SFTA2: variants seen among roughly 807,000 people sequenced by gnomAD.
SFTA2 encodes surfactant associated 2.
In SFTA2, 3 loss-of-function variants were observed where a neutral mutation model predicts 6.0. The observed-to-expected ratio is 0.50, with a 90% CI of 0.23 to 1.28. The LOEUF is 1.28. Ranked by LOEUF, SFTA2 falls within the 50% of genes most tolerant of loss-of-function variation. The pLI, the probability that SFTA2 is intolerant of heterozygous loss-of-function variation, is 0.19. For missense variants in SFTA2, 87 were observed against 88.5 expected, an observed-to-expected ratio of 0.98 and a Z score of 0.07; for synonymous variants, 40 against 39.3, an observed-to-expected ratio of 1.02 and a Z score of -0.07.
chr6:30,931,670 A>C, intron 2 of SFTA2, 37 bp downstream of exon 2: 1 of 1,612,242 alleles, frequency 6.2e-7, no homozygotes. Flanking sequence ...CTGACTCACA[A>C]ACACACAGCC....
At position 30,931,585 on chromosome 6, in the gene SFTA2, A is replaced by C. The variant is rs1367880407; in HGVS notation, c.151-11T>G. ...GAGGAGGAGGCAGAGCTGGGAACAAAGGGTTAAAGGGCGCCATGTAAGAGA... is the reference window on the plus strand; with the variant it reads ...GAGGAGGAGGCAGAGCTGGGAACAACGGGTTAAAGGGCGCCATGTAAGAGA... On this transcript the variant is annotated splice_polypyrimidine_tract_variant and intron_variant, in intron 2 of 2. Coordinates refer to ENST00000359086, the MANE Select transcript of SFTA2 (RefSeq NM_205854.3). 6.2e-7 allele frequency: 1 copy of C among 1,607,610 alleles called. No individual in the cohort carries two copies. Among genetic ancestry groups the C allele is most frequent in the Non-Finnish European group, 8.5e-7 (1 of 1,176,656 alleles).
At position 30,931,785 on chromosome 6, in the gene SFTA2, C is replaced by T. The variant is rs774997568; in HGVS notation, c.72G>A (p.Met24Ile). Residue 24 changes from methionine (M) to isoleucine (I), a missense_variant, in exon 2 of 3, where the codon ATG becomes ATA. Physicochemically the swap from Met to Ile is conservative, Grantham distance 10. Coordinates refer to ENST00000359086, the MANE Select transcript of SFTA2 (RefSeq NM_205854.3). ...ACTCCTTCAGCTTCAGTTGCAAAGTCATACCCGGCCCTGCGGATCCAGAAG... is the reference window on the plus strand; with the variant it reads ...ACTCCTTCAGCTTCAGTTGCAAAGTTATACCCGGCCCTGCGGATCCAGAAG... ...LGSSHGTGPG[M>I]TLQLKLKESF... The T allele has an allele frequency of 6.2e-7, 1 of 1,613,100 alleles. No homozygotes were observed. Among genetic ancestry groups the T allele is most frequent in the South Asian group, 1.1e-5 (1 of 91,082 alleles).
chr6:30,931,691 C>G lies in SFTA2; in HGVS notation c.150+16G>C, dbSNP rs749488487. ...CACAAACACACAGCCCCATCTTTCC[C>G]CTTCCAAAGAACTACCTTTTCAAGC... is the stretch of plus-strand genomic sequence containing the variant. On this transcript the variant is annotated intron_variant, in intron 2 of 2. Transcript: ENST00000359086. The G allele has an allele frequency of 3.1e-6, 5 of 1,612,790 alleles. No homozygotes were observed. The highest frequency in any genetic ancestry group is 1.7e-5 in the Admixed American group (1 of 60,002).
chr6:30,931,896 C>T (rs1217620396), intron 1 of SFTA2, 101 bp from the exon 2 acceptor site: 41 of 1,537,384 alleles, frequency 2.7e-5, no homozygotes, highest in Non-Finnish European at 3.5e-5. Context: ...GTTCCTCTTC[C>T]CCAGCAATGC....
Position 30,931,760 on chromosome 6 carries a change from A to C in SFTA2, c.97T>G (p.Ser33Ala), listed in dbSNP as rs1218697893. Residue 33 changes from serine to alanine, a missense_variant, in exon 2 of 3, where the codon TCT (serine) becomes GCT (alanine). By Grantham distance (99) the Ser-to-Ala change is moderately conservative. Coordinates refer to ENST00000359086, the MANE Select transcript of SFTA2 (RefSeq NM_205854.3). ...TCATAGGAGGAATTTGTCAGAAAAG[A>C]CTCCTTCAGCTTCAGTTGCAAAGTC... ...GMTLQLKLKE[S>A]FLTNSSYESS... The C allele has an allele frequency of 6.2e-7, 1 of 1,612,906 alleles. No homozygotes were observed. Among genetic ancestry groups the C allele is most frequent in the Non-Finnish European group, 8.5e-7 (1 of 1,179,998 alleles).
intron 2 of SFTA2, 41 bp downstream of exon 2, chr6:30,931,666 C>T (rs1392482524): frequency 1.2e-6 from 2 of 1,611,910 alleles, no homozygotes; most frequent in Non-Finnish European, 1.7e-6. Context: ...CAAACTGACT[C>T]ACAAACACAC....
Position 30,931,799 on chromosome 6 carries a change from C to A in SFTA2, c.62-4G>T, listed in dbSNP as rs369156102. ...AGTTGCAAAGTCATACCCGGCCCTG[C>A]GGATCCAGAAGTACAGCTTAGGACC... On this transcript the variant is annotated splice_region_variant and splice_polypyrimidine_tract_variant and intron_variant, in intron 1 of 2. Transcript: ENST00000359086. 1 of 1,612,986 alleles carries A rather than the reference C, an allele frequency of 6.2e-7. No individual in the cohort carries two copies. Among genetic ancestry groups the A allele is most frequent in the South Asian group, 1.1e-5 (1 of 91,082 alleles).
At position 30,931,422 on chromosome 6, in the gene SFTA2, G is replaced by A. The variant is rs999658898; in HGVS notation, c.*66C>T. 37 of 1,459,568 alleles carry A rather than the reference G, an allele frequency of 2.5e-5. No homozygotes were observed. Among genetic ancestry groups the A allele is most frequent in the African/African-American group, 8.5e-5 (6 of 70,574 alleles). 90.4% of individuals were successfully genotyped at this position (1,459,568 alleles called of 1,614,324 possible). On this transcript the variant is annotated 3_prime_UTR_variant, in exon 3 of 3. Coordinates refer to ENST00000359086, the MANE Select transcript of SFTA2 (RefSeq NM_205854.3). ...TGGGGGCCTGCTGAAAGACAGGGTC[G>A]GGGCCTGCCTCCTGCATCCCCGGCC...
rs1795162926 is a variant in SFTA2 at position 30,932,005 on chromosome 6, G to A, written c.61+31C>T. ...TTTCTCTGGCCTCTTCTTGCCACAGGGACCCAGGAGTCCTGCCCTCTAGCC... is the reference window on the plus strand; with the variant it reads ...TTTCTCTGGCCTCTTCTTGCCACAGAGACCCAGGAGTCCTGCCCTCTAGCC... On this transcript the variant is annotated intron_variant, in intron 1 of 2. Coordinates refer to ENST00000359086, the MANE Select transcript of SFTA2 (RefSeq NM_205854.3). The surrounding 1 kb of genome is among the most constrained non-coding windows in gnomAD (Gnocchi z 6.5). 1 of 1,607,216 alleles carries A rather than the reference G, an allele frequency of 6.2e-7. No homozygotes were observed. The highest frequency in any genetic ancestry group is 1.3e-5 in the African/African-American group (1 of 74,772).
rs1795147947 is a variant in SFTA2, at chr6:30,931,703, C to T, written c.150+4G>A. 9 of 1,613,146 alleles carry T rather than the reference C, an allele frequency of 5.6e-6. No individual in the cohort carries two copies. In the East Asian group the frequency reaches 1.3e-4, roughly 24 times the overall value. ...GCCCCATCTTTCCCCTTCCAAAGAACTACCTTTTCAAGCAATTCCAGGAAG... is the reference window on the plus strand; with the variant it reads ...GCCCCATCTTTCCCCTTCCAAAGAATTACCTTTTCAAGCAATTCCAGGAAG... On this transcript the variant is annotated splice_donor_region_variant and intron_variant, in intron 2 of 2. Coordinates refer to ENST00000359086, the MANE Select transcript of SFTA2 (RefSeq NM_205854.3).
In SFTA2 at chr6:30,931,580, A is replaced by G; in HGVS notation, c.151-6T>C. 1 of 1,609,366 alleles carries G rather than the reference A, an allele frequency of 6.2e-7. No individual in the cohort carries two copies. The highest frequency in any genetic ancestry group is 8.5e-7 in the Non-Finnish European group (1 of 1,177,874). ...AGATGGAGGAGGAGGCAGAGCTGGG[A>G]ACAAAGGGTTAAAGGGCGCCATGTA... On this transcript the variant is annotated splice_polypyrimidine_tract_variant and splice_region_variant and intron_variant, in intron 2 of 2. Coordinates refer to ENST00000359086, the MANE Select transcript of SFTA2 (RefSeq NM_205854.3).
Position 30,931,461 on chromosome 6 carries a change from C to G in SFTA2, c.*27G>C, listed in dbSNP as rs781362646. On this transcript the variant is annotated 3_prime_UTR_variant, in exon 3 of 3. Coordinates refer to ENST00000359086, the MANE Select transcript of SFTA2 (RefSeq NM_205854.3). ...GCATCCCCGGCCCAAAAGCCCGGGCCAAGAAGGACACAGGCTTCAATGGCT... is the reference window on the plus strand; with the variant it reads ...GCATCCCCGGCCCAAAAGCCCGGGCGAAGAAGGACACAGGCTTCAATGGCT... 2 of 1,535,328 alleles carry G rather than the reference C, an allele frequency of 1.3e-6. No homozygotes were observed. The highest frequency in any genetic ancestry group is 2.5e-5 in the South Asian group (2 of 79,106).
At chr6:30,931,655 C>T (rs565339529) in intron 2 of SFTA2, 52 bp downstream of exon 2, 1 of 1,610,854 alleles carries the variant, frequency 6.2e-7, no homozygotes, top group African/African-American at 1.3e-5. Context: ...CAGCAGAGGC[C>T]CAAACTGACT....
At position 30,931,471 on chromosome 6, in the gene SFTA2, A is replaced by G; in HGVS notation, c.*17T>C. 1 of 1,549,636 alleles carries G rather than the reference A, an allele frequency of 6.5e-7. No homozygotes were observed. The highest frequency in any genetic ancestry group is 8.7e-7 in the Non-Finnish European group (1 of 1,145,462). On this transcript the variant is annotated 3_prime_UTR_variant, in exon 3 of 3. Transcript: ENST00000359086. ...CCCAAAAGCCCGGGCCAAGAAGGAC[A>G]CAGGCTTCAATGGCTGTCATGTGTT...
chr6:30,931,356 A>T lies in SFTA2; in HGVS notation c.*132T>A. 1.2e-6 allele frequency: 1 copy of T among 853,464 alleles called. No individual in the cohort carries two copies. The highest frequency in any genetic ancestry group is 2.1e-5 in the South Asian group (1 of 46,652). 52.9% of individuals were successfully genotyped at this position (853,464 alleles called of 1,614,324 possible). A position where few individuals can be genotyped will look rare whatever the true frequency, so the allele number is the denominator to read the frequency against. ...ACCCACAGAGTCAAGCAAGTTATTG[A>T]ATTCAGCATACCGAATTTTATTTAT... On this transcript the variant is annotated 3_prime_UTR_variant, in exon 3 of 3. Transcript: ENST00000359086.
intron 2 of SFTA2, 47 bp from the exon 3 acceptor site, chr6:30,931,621 C>G (rs757862575): frequency 6.2e-7 from 1 of 1,605,752 alleles, no homozygotes; most frequent in South Asian, 1.1e-5. Flanking sequence ...GCTCTCCATT[C>G]CCACCACGGA....
At chr6:30,931,647 G>T in intron 2 of SFTA2, 60 bp downstream of exon 2, 2 of 1,609,928 alleles carry the variant, frequency 1.2e-6, no homozygotes, top group Non-Finnish European at 1.7e-6. Flanking sequence ...CCAGACCCCA[G>T]CAGAGGCCCA....
chr6:30,931,830 G>T, intron 1 of SFTA2, 35 bp from the exon 2 acceptor site: 1 of 1,608,646 alleles, frequency 6.2e-7, no homozygotes, highest in Non-Finnish European at 8.5e-7. Flanking sequence ...GGACCCAGCA[G>T]TCAGGGCTGA....
Position 30,931,815 on chromosome 6 carries a change from G to A in SFTA2, c.62-20C>T. 1 of 1,612,420 alleles carries A rather than the reference G, an allele frequency of 6.2e-7. No homozygotes were observed. Among genetic ancestry groups the A allele is most frequent in the South Asian group, 1.1e-5 (1 of 91,068 alleles). On this transcript the variant is annotated intron_variant, in intron 1 of 2. Coordinates refer to ENST00000359086, the MANE Select transcript of SFTA2 (RefSeq NM_205854.3). ...CCGGCCCTGCGGATCCAGAAGTACA[G>A]CTTAGGACCCAGCAGTCAGGGCTGA...
Sources: allele counts gnomAD v4.1 joint callset, GRCh38; gene constraint gnomAD v4.1.1; non-coding constraint Gnocchi (gnomAD v3.1); transcripts MANE v1.5; gene names NCBI Gene and HGNC (gene_info 2026-07-23, HGNC 2026-07-21).